Variants in GTF2I observed in about 807,000 individuals in gnomAD.
The protein encoded by GTF2I is general transcription factor IIi.
Under a neutral mutation model 67.6 loss-of-function variants are expected in GTF2I, and 12 were observed. The observed-to-expected ratio is 0.18, with a 90% CI of 0.11 to 0.29. The LOEUF (loss-of-function observed/expected upper bound fraction) is 0.29. GTF2I is among the 10% of genes least tolerant of loss of function. The pLI is 1.00. For missense variants in GTF2I, 271 were observed against 580.1 expected (o/e 0.47, Z 5.47); for synonymous variants, 149 against 197.0 (o/e 0.76, Z 2.04).
chr7:74,711,107 AAGGT>A lies in GTF2I; in HGVS notation c.763_763+3del. Reference sequence around the variant, plus strand: ...CCTGATTATTATCAATATAACATTCAAGGTAATTTGAATTAATGCAATTTTTCTT... The same window carrying A: ...CCTGATTATTATCAATATAACATTCAAATTTGAATTAATGCAATTTTTCTT... On this transcript the variant is annotated splice_donor_variant and coding_sequence_variant, in exon 9 of 35. Transcript: ENST00000573035. LOFTEE classifies it high-confidence loss of function. 1 of 1,338,494 alleles carries A rather than the reference AAGGT, an allele frequency of 7.5e-7. No homozygotes were observed. The highest frequency in any genetic ancestry group is 1.0e-6 in the Non-Finnish European group (1 of 961,710). The allele number at this position is 1,338,494 out of a possible 1,614,324, so 82.9% of individuals were successfully genotyped here. A position where few individuals can be genotyped will look rare whatever the true frequency, so the allele number is the denominator to read the frequency against.
intron 1 of GTF2I, chr7:74,687,646 T>A (rs587701873): frequency 1.6e-6 from 1 of 635,516 alleles, no homozygotes; most frequent in South Asian, 7.0e-5. Flanking sequence ...CAGTCTTTAA[T>A]AATAGGGAAA....
At chr7:74,712,030 A>G (rs1414325909) in intron 9 of GTF2I, among the ~76,000 whole-genome samples, 1 of 149,922 alleles carries the variant, frequency 6.7e-6, no homozygotes, top group East Asian at 1.9e-4. Context: ...GCTCACTGCA[A>G]CCTCCACCTC....
At chr7:74,724,635 T>G (rs1159249845) in intron 12 of GTF2I, among the ~76,000 whole-genome samples, 1 of 152,158 alleles carries the variant, frequency 6.6e-6, no homozygotes, top group East Asian at 1.9e-4. Flanking sequence ...CATATTAAAA[T>G]ATCTTAAAAT....
At chr7:74,720,630 C>T (rs781952976) in intron 12 of GTF2I, among the ~76,000 whole-genome samples, 1 of 151,950 alleles carries the variant, frequency 6.6e-6, no homozygotes, top group Non-Finnish European at 1.5e-5. Flanking sequence ...TCAGCTGTGC[C>T]CTTTCTATGG....
At chr7:74,676,374 T>C (rs1327253852) in intron 1 of GTF2I, among the ~76,000 whole-genome samples, 2 of 152,110 alleles carry the variant, frequency 1.3e-5, no homozygotes, top group Non-Finnish European at 2.9e-5. Context: ...TCCCAGCTAA[T>C]TGGGAGACTG....
At chr7:74,677,353 G>C (rs587715970) in intron 1 of GTF2I, among the ~76,000 whole-genome samples, 1 of 152,228 alleles carries the variant, frequency 6.6e-6, no homozygotes, top group South Asian at 2.1e-4. Flanking sequence ...GTAAAAGTTT[G>C]AGATGTCACT....
At chr7:74,707,874 T>C (rs1790951826) in intron 8 of GTF2I, among the ~76,000 whole-genome samples, 1 of 147,762 alleles carries the variant, frequency 6.8e-6, no homozygotes, top group Non-Finnish European at 1.5e-5. Context: ...TCATTATAGG[T>C]TTTTTTTTTT....
intron 12 of GTF2I, among the ~76,000 whole-genome samples, chr7:74,726,246 G>A (rs1163354331): frequency 1.3e-5 from 2 of 152,156 alleles, no homozygotes; most frequent in African/African-American, 4.8e-5. Context: ...GTAATATTAA[G>A]CATTTATAAT....
chr7:74,663,746 TAA>T (rs1276293199), intron 1 of GTF2I, among the ~76,000 whole-genome samples: 116 of 152,314 alleles, frequency 7.6e-4, no homozygotes, highest in African/African-American at 2.7e-3. Context: ...CTCGGTTAAC[TAA>T]AGTGTATTGG....
intron 12 of GTF2I, among the ~76,000 whole-genome samples, chr7:74,724,453 A>G (rs1446993312): frequency 6.6e-6 from 1 of 152,198 alleles, no homozygotes; most frequent in Non-Finnish European, 1.5e-5. Flanking sequence ...TTTAGCTCTG[A>G]AGCCTGTATT....
At chr7:74,724,416 A>C (rs587648001) in intron 12 of GTF2I, among the ~76,000 whole-genome samples, 2 of 152,278 alleles carry the variant, frequency 1.3e-5, no homozygotes, top group East Asian at 3.9e-4. Context: ...TTATTGATTC[A>C]CCGGCCAGAA....
At chr7:74,676,782 A>G (rs1584100837) in intron 1 of GTF2I, among the ~76,000 whole-genome samples, 1 of 152,138 alleles carries the variant, frequency 6.6e-6, no homozygotes, top group Non-Finnish European at 1.5e-5. Flanking sequence ...TTGGCTGGGC[A>G]TGATGGCTCA....
intron 1 of GTF2I, among the ~76,000 whole-genome samples, chr7:74,663,990 C>T (rs957889575): frequency 2.6e-5 from 4 of 151,842 alleles, no homozygotes; most frequent in African/African-American, 4.8e-5. Context: ...CCACCATGCC[C>T]GGCTAATTTT....
At chr7:74,721,293 G>T (rs1792959711) in intron 12 of GTF2I, among the ~76,000 whole-genome samples, 1 of 152,096 alleles carries the variant, frequency 6.6e-6, no homozygotes, top group East Asian at 1.9e-4. Flanking sequence ...TGCCCACCTC[G>T]GCTTCCCAAA....
intron 1 of GTF2I, among the ~76,000 whole-genome samples, chr7:74,681,294 G>T (rs1787247339): frequency 6.6e-6 from 1 of 152,144 alleles, no homozygotes; most frequent in Admixed American, 6.6e-5. Flanking sequence ...AATTAGCTGG[G>T]TTTGGTGGCA....
intron 9 of GTF2I, among the ~76,000 whole-genome samples, chr7:74,712,108 C>T (rs982552809): frequency 6.6e-6 from 1 of 151,918 alleles, no homozygotes; most frequent in Non-Finnish European, 1.5e-5. Context: ...TGCCAACACA[C>T]CTGGCTAATT....
At chr7:74,706,824 C>A (rs1790777513) in intron 8 of GTF2I, among the ~76,000 whole-genome samples, 1 of 152,092 alleles carries the variant, frequency 6.6e-6, no homozygotes, top group African/African-American at 2.4e-5. Flanking sequence ...TTTCAATTCT[C>A]AAATAAAATT....
At chr7:74,662,893 G>A (rs1223756687) in intron 1 of GTF2I, among the ~76,000 whole-genome samples, 1 of 152,066 alleles carries the variant, frequency 6.6e-6, no homozygotes, top group Non-Finnish European at 1.5e-5. Context: ...TTAGTTTACA[G>A]TTGATGACCC....
intron 12 of GTF2I, among the ~76,000 whole-genome samples, chr7:74,723,827 A>G (rs1262626230): frequency 6.6e-6 from 1 of 151,904 alleles, no homozygotes; most frequent in Non-Finnish European, 1.5e-5. Context: ...CTTCTAGGAA[A>G]CGTGGTGACT....
Sources: allele counts gnomAD v4.1 joint callset (sites outside exome capture counted in the v4.1 genomes callset), GRCh38; gene constraint gnomAD v4.1.1; transcripts MANE v1.5; gene names NCBI Gene and HGNC (gene_info 2026-07-23, HGNC 2026-07-21).